Variants in ACTN1 observed in about 807,000 individuals in gnomAD.
ACTN1 encodes alpha-actinin-1.
In ACTN1, 30 loss-of-function variants were observed where a neutral mutation model predicts 119.6. The ratio of observed to expected loss-of-function variants is 0.25; its 90% confidence interval spans 0.19 to 0.34. The LOEUF (loss-of-function observed/expected upper bound fraction) is 0.34. Among genes scored for constraint, ACTN1 ranks in the 10% least tolerant of loss-of-function variants. The probability of loss-of-function intolerance (pLI) is 1.00; values close to 1 mark genes in which losing one functional copy is unlikely to be tolerated. For missense variants in ACTN1, 764 were observed against 1,223.4 expected (o/e 0.62, Z 5.60); for synonymous variants, 429 against 472.6 (o/e 0.91, Z 1.20).
At position 68,879,094 on chromosome 14, in the gene ACTN1, CG is replaced by C. The variant is rs762353765; in HGVS notation, c.2281-26del. ...CCTGGGGCCGCGGTGCGCCAGGCAG[CG>C]AGCCATGCGGTGTCAGGGAGGTGGA... On this transcript the variant is annotated intron_variant, in intron 18 of 21. Transcript: ENST00000394419. The surrounding 1 kb of genome is among the most constrained non-coding windows in gnomAD (Gnocchi z 4.9). 1,225 of 1,565,214 alleles carry C rather than the reference CG, an allele frequency of 7.8e-4. No individual in the cohort carries two copies. The highest frequency in any genetic ancestry group is 1.0e-3 in the Non-Finnish European group (1,185 of 1,151,776).
rs2034690073 is a variant in ACTN1 at position 68,922,270 on chromosome 14, A to G, written c.221-1145T>C. Among the ~76,000 whole-genome samples the G allele has an allele frequency of 2.6e-5, 4 of 152,212 alleles. No individual in the cohort carries two copies. In the South Asian group the frequency reaches 8.3e-4, roughly 32 times the overall value. ...TGGGCCAGGCCCACCCTGTCAGAGC[A>G]GCACCTCTCCAGGTGGCCTCCCAGC... On this transcript the variant is annotated intron_variant, in intron 2 of 21. Transcript: ENST00000394419.
intron 1 of ACTN1, among the ~76,000 whole-genome samples, chr14:68,964,144 T>C (rs2036626836): frequency 6.6e-6 from 1 of 152,202 alleles, no homozygotes; most frequent in Non-Finnish European, 1.5e-5. Context: ...CTGCCTCTCC[T>C]GGACTGTGGG....
At chr14:68,887,130 G>A (rs368584417) in intron 11 of ACTN1, 4 of 165,750 alleles carry the variant, frequency 2.4e-5, no homozygotes, top group Admixed American at 5.8e-5. Context: ...GCTTAAAATC[G>A]GGAAGCAAAT....
intron 1 of ACTN1, among the ~76,000 whole-genome samples, chr14:68,977,096 C>G (rs2037086573): frequency 6.6e-6 from 1 of 152,210 alleles, no homozygotes; most frequent in South Asian, 2.1e-4. Context: ...GTTACTCCTG[C>G]CCCTCCCAGG....
intron 1 of ACTN1, among the ~76,000 whole-genome samples, chr14:68,929,686 A>G (rs1410244690): frequency 6.6e-6 from 1 of 152,182 alleles, no homozygotes; most frequent in African/African-American, 2.4e-5. Flanking sequence ...CCCGCAGAGC[A>G]GCGGCAACGG....
intron 10 of ACTN1, among the ~76,000 whole-genome samples, chr14:68,891,053 G>A (rs1295972156): frequency 6.6e-6 from 1 of 152,178 alleles, no homozygotes; most frequent in African/African-American, 2.4e-5. Flanking sequence ...TTGGAGCCCC[G>A]AAATGACTGC....
chr14:68,906,610 C>T (rs995697546), intron 6 of ACTN1, among the ~76,000 whole-genome samples: 4 of 152,162 alleles, frequency 2.6e-5, no homozygotes, highest in Admixed American at 1.3e-4. Context: ...TACACACACC[C>T]GCCCCACGTG....
intron 1 of ACTN1, among the ~76,000 whole-genome samples, chr14:68,940,108 G>A (rs10141794): frequency 0.5 from 75,462 of 152,030 alleles, 19,500 homozygotes; most frequent in East Asian, 0.77. Flanking sequence ...TTACAGTTTG[G>A]TCCTGCTGTA....
rs755353507 is a variant in ACTN1 at position 68,978,926 on chromosome 14, TGCAGCGGGCGGGG to T, written c.105+13_105+25del. 2.0e-6 allele frequency: 3 copies of T among 1,479,530 alleles called. No individual in the cohort carries two copies. Among genetic ancestry groups the T allele is most frequent in the Non-Finnish European group, 1.8e-6 (2 of 1,086,548 alleles). The allele number at this position is 1,479,530 out of a possible 1,614,324, so 91.7% of individuals were successfully genotyped here. A position where few individuals can be genotyped will look rare whatever the true frequency, so the allele number is the denominator to read the frequency against. On this transcript the variant is annotated intron_variant, in intron 1 of 21. Coordinates refer to ENST00000394419, the MANE Select transcript of ACTN1 (RefSeq NM_001130004.2). ...GGGCTGGGGGCTGGGGGCTGGGGGC[TGCAGCGGGCGGGG>T]GCGGCTGCTAACCTTTCTCTGCTGC... is the stretch of plus-strand genomic sequence containing the variant.
Position 68,930,040 on chromosome 14 carries a change from G to A in ACTN1, c.106-4368C>T, listed in dbSNP as rs572142245. 6.6e-5 allele frequency among the ~76,000 whole-genome samples: 10 copies of A among 152,330 alleles called. No individual in the cohort carries two copies. The South Asian group carries it at 8.3e-4, about 13-fold the overall frequency. On this transcript the variant is annotated intron_variant, in intron 1 of 21. Transcript: ENST00000394419. ...TCATAGCCTTGCTCTCACAGACTCC[G>A]CTAACCTCTTTTCGTCACATCTTTC...
intron 1 of ACTN1, among the ~76,000 whole-genome samples, chr14:68,947,118 A>AC (rs1330951721): frequency 6.6e-6 from 1 of 151,958 alleles, no homozygotes; most frequent in African/African-American, 2.4e-5. Flanking sequence ...AAAAGTAGAG[A>AC]CCCCTCACCC....
intron 1 of ACTN1, among the ~76,000 whole-genome samples, chr14:68,930,910 G>A (rs1305890384): frequency 6.6e-6 from 1 of 152,214 alleles, no homozygotes; most frequent in Non-Finnish European, 1.5e-5. Flanking sequence ...AAGAATGTTA[G>A]AGCTAGAAGA....
At chr14:68,974,012 G>A (rs118082191) in intron 1 of ACTN1, 11 of 152,278 alleles carry the variant, frequency 7.2e-5, no homozygotes, top group Non-Finnish European at 2.9e-5. Flanking sequence ...CTCTAGCAGA[G>A]ACATGGGCCT....
At chr14:68,967,850 C>T (rs1193103617) in intron 1 of ACTN1, among the ~76,000 whole-genome samples, 3 of 152,218 alleles carry the variant, frequency 2.0e-5, no homozygotes, top group African/African-American at 7.2e-5. Context: ...TACATGCAGC[C>T]CAAGCCTCAT....
intron 21 of ACTN1, chr14:68,875,284 C>T: frequency 1.2e-6 from 1 of 822,456 alleles, no homozygotes; most frequent in Non-Finnish European, 1.9e-6. Flanking sequence ...GTGCCAATTA[C>T]ACCTATAATC....
chr14:68,907,588 CAA>C lies in ACTN1; in HGVS notation c.594+1728_594+1729del, dbSNP rs141220527. Among the ~76,000 whole-genome samples, 290 of 151,906 alleles carry C rather than the reference CAA, an allele frequency of 1.9e-3. 10 individuals carry two copies. The East Asian group carries it at 0.05, about 26-fold the overall frequency. The stretch of plus-strand genomic sequence containing the variant: ...TCAAAAAACAAAACAAAAACAAAAA[CAA>C]AAAAACACAGAAGGAGAGGCAGAGA... On this transcript the variant is annotated intron_variant, in intron 6 of 21. Coordinates refer to ENST00000394419, the MANE Select transcript of ACTN1 (RefSeq NM_001130004.2).
chr14:68,889,792 A>C (rs879437065), intron 11 of ACTN1, among the ~76,000 whole-genome samples: 16 of 151,452 alleles, frequency 1.1e-4, no homozygotes, highest in Non-Finnish European at 1.5e-4. Context: ...TCAAAAAAAA[A>C]CCCCCATAAA....
intron 6 of ACTN1, among the ~76,000 whole-genome samples, chr14:68,908,419 G>A (rs897829864): frequency 2.0e-5 from 3 of 152,158 alleles, no homozygotes; most frequent in African/African-American, 7.2e-5. Context: ...TGAACACTGT[G>A]TTCTCCAGCA....
intron 1 of ACTN1, among the ~76,000 whole-genome samples, chr14:68,938,692 G>A (rs902552605): frequency 6.6e-6 from 1 of 152,130 alleles, no homozygotes; most frequent in African/African-American, 2.4e-5. Context: ...TCACCACTTT[G>A]TGAAGATTAT....
Sources: gnomAD v4.1 joint callset for allele counts (sites outside exome capture counted in the v4.1 genomes callset) on GRCh38, gnomAD v4.1.1 for gene constraint, Gnocchi (gnomAD v3.1) non-coding constraint, MANE v1.5 for transcripts, NCBI Gene and HGNC (gene_info 2026-07-23, HGNC 2026-07-21) for gene names.